PDE3A: variants seen among roughly 807,000 people sequenced by gnomAD.
The protein encoded by PDE3A is phosphodiesterase 3A.
Under a neutral mutation model 98.3 loss-of-function variants are expected in PDE3A, and 43 were observed. The ratio of observed to expected loss-of-function variants is 0.44; its 90% CI spans 0.34 to 0.56. PDE3A has a LOEUF of 0.56. PDE3A is among the 20% of genes least tolerant of loss of function. PDE3A has a pLI of 0.01. For missense variants in PDE3A, 1,427 were observed against 1,440.7 expected, an observed-to-expected ratio of 0.99 and a Z score of 0.15; for synonymous variants, 663 against 567.9, an observed-to-expected ratio of 1.17 and a Z score of -2.38.
At chr12:20,497,895 A>ATT (rs1945949294) in intron 1 of PDE3A, among the ~76,000 whole-genome samples, 1 of 152,154 alleles carries the variant, frequency 6.6e-6, no homozygotes, top group African/African-American at 2.4e-5. Flanking sequence ...TGCTGCTGTG[A>ATT]TGACTTTGTG....
At chr12:20,666,661 T>C (rs534471641) in intron 15 of PDE3A, among the ~76,000 whole-genome samples, 3 of 152,376 alleles carry the variant, frequency 2.0e-5, no homozygotes, top group Non-Finnish European at 4.4e-5. Context: ...TACCACATTT[T>C]CTTTATCCAT....
intron 1 of PDE3A, among the ~76,000 whole-genome samples, chr12:20,465,350 C>T (rs1019348207): frequency 5.3e-5 from 8 of 152,112 alleles, no homozygotes; most frequent in Admixed American, 6.6e-5. Context: ...AAGCTAAGTA[C>T]TTACGTGTGT....
chr12:20,664,768 G>C (rs1025456160), intron 15 of PDE3A, among the ~76,000 whole-genome samples: 2 of 152,088 alleles, frequency 1.3e-5, no homozygotes, highest in African/African-American at 2.4e-5. Flanking sequence ...TGGAACTCTT[G>C]AGTCCATTAA....
intron 1 of PDE3A, among the ~76,000 whole-genome samples, chr12:20,442,649 G>C (rs779230661): frequency 6.6e-6 from 1 of 152,204 alleles, no homozygotes; most frequent in Non-Finnish European, 1.5e-5. Context: ...ATCTGAAATT[G>C]TAAGACAATT....
At chr12:20,486,748 G>C (rs7313578) in intron 1 of PDE3A, among the ~76,000 whole-genome samples, 12,571 of 152,108 alleles carry the variant, frequency 0.083, 1,188 homozygotes, top group African/African-American at 0.23. Flanking sequence ...ATTCTCATGC[G>C]TCAGCCTCCC....
At position 20,650,471 on chromosome 12, in the gene PDE3A, G is replaced by T; in HGVS notation, c.2796G>T (p.Trp932Cys). The T allele has an allele frequency of 6.2e-7, 1 of 1,608,986 alleles. No homozygotes were observed. The highest frequency in any genetic ancestry group is 1.1e-5 in the South Asian group (1 of 90,576). ...GKVNDDVGID[W>C]TNENDRLLVC... ...TAAATGATGATGTTGGAATAGATTGGACCAATGAAAATGATCGTCTACTGG... is the reference window on the plus strand; with the variant it reads ...TAAATGATGATGTTGGAATAGATTGTACCAATGAAAATGATCGTCTACTGG... Residue 932 changes from tryptophan to cysteine, a missense_variant, in exon 14 of 16, where the codon TGG becomes TGT. This residue lies in a region of PDE3A where 273 missense variants were observed against 420.3 expected (regional missense o/e 0.65). Coordinates refer to ENST00000359062, the MANE Select transcript of PDE3A (RefSeq NM_000921.5).
intron 1 of PDE3A, among the ~76,000 whole-genome samples, chr12:20,505,060 C>G (rs1043430895): frequency 1.3e-5 from 2 of 152,088 alleles, no homozygotes; most frequent in African/African-American, 4.8e-5. Context: ...AATACAAGTG[C>G]TTAGGCCAAA....
At chr12:20,506,999 G>T (rs1457292532) in intron 1 of PDE3A, among the ~76,000 whole-genome samples, 3 of 151,952 alleles carry the variant, frequency 2.0e-5, no homozygotes, top group Non-Finnish European at 4.4e-5. Context: ...AAAAGACTGT[G>T]TATATTTTTA....
chr12:20,546,933 G>A (rs1942075841), intron 1 of PDE3A, among the ~76,000 whole-genome samples: 1 of 151,978 alleles, frequency 6.6e-6, no homozygotes, highest in South Asian at 2.1e-4. Context: ...TAATTAACTT[G>A]TAGACCAATT....
At chr12:20,372,737 T>G (rs547662292) in intron 1 of PDE3A, among the ~76,000 whole-genome samples, 1 of 152,298 alleles carries the variant, frequency 6.6e-6, no homozygotes, top group Admixed American at 6.5e-5. Flanking sequence ...GCTTTTTTTC[T>G]GAAGGAATGT....
At chr12:20,449,918 C>T in intron 1 of PDE3A, 1 of 803,606 alleles carries the variant, frequency 1.2e-6, no homozygotes, top group Non-Finnish European at 1.9e-6. Flanking sequence ...AATGGGAACT[C>T]TGCTGGAAAG....
At chr12:20,540,228 A>G (rs1253684174) in intron 1 of PDE3A, among the ~76,000 whole-genome samples, 1 of 152,134 alleles carries the variant, frequency 6.6e-6, no homozygotes, top group Non-Finnish European at 1.5e-5. Context: ...CAAAGTAAAA[A>G]TTGTCTTTGT....
intron 1 of PDE3A, among the ~76,000 whole-genome samples, chr12:20,514,990 A>G (rs1946290568): frequency 6.6e-6 from 1 of 152,216 alleles, no homozygotes; most frequent in Non-Finnish European, 1.5e-5. Flanking sequence ...TCAGTATCTG[A>G]CAAGGACCTT....
At chr12:20,618,166 C>G (rs1373487792) in intron 4 of PDE3A, among the ~76,000 whole-genome samples, 3 of 152,016 alleles carry the variant, frequency 2.0e-5, no homozygotes, top group African/African-American at 7.2e-5. Context: ...AATATAATTC[C>G]TTCATCATTG....
rs1332661723 is a variant in PDE3A, at chr12:20,369,645, G to C, written c.361G>C (p.Gly121Arg). 3 of 1,597,668 alleles carry C rather than the reference G, an allele frequency of 1.9e-6. No individual in the cohort carries two copies. The highest frequency in any genetic ancestry group is 2.6e-6 in the Non-Finnish European group (3 of 1,173,006). ...VFPGPRGGAP[G>R]GGARLSPWLQ... ...CCCGGGGCCTCGGGGAGGTGCTCCC[G>C]GGGGCGGTGCGCGGCTCAGCCCCTG... Residue 121 changes from glycine to arginine, a missense_variant, in exon 1 of 16, where the codon GGG becomes CGG. By Grantham distance (125) the Gly-to-Arg change is moderately radical (BLOSUM62 -2). Around this residue, in one of 3 missense-constraint regions of PDE3A, gnomAD observed 1,012 missense variants for 886.5 expected, o/e 1.14. Transcript: ENST00000359062.
At chr12:20,481,491 T>C (rs1176993281) in intron 1 of PDE3A, among the ~76,000 whole-genome samples, 1 of 152,146 alleles carries the variant, frequency 6.6e-6, no homozygotes, top group African/African-American at 2.4e-5. Context: ...TCCTAGTCAT[T>C]TGGATAAGAA....
intron 1 of PDE3A, among the ~76,000 whole-genome samples, chr12:20,477,827 G>A (rs773391691): frequency 4.8e-4 from 73 of 152,122 alleles, no homozygotes; most frequent in Non-Finnish European, 6.9e-4. Flanking sequence ...TGGCCTCGTA[G>A]CCCATGCCTT....
chr12:20,492,307 G>T (rs1319359146), intron 1 of PDE3A, among the ~76,000 whole-genome samples: 2 of 152,124 alleles, frequency 1.3e-5, no homozygotes, highest in African/African-American at 4.8e-5. Flanking sequence ...ATACTAAAAT[G>T]ACACATAGAC....
intron 1 of PDE3A, among the ~76,000 whole-genome samples, chr12:20,499,538 A>G (rs901492107): frequency 5.3e-5 from 8 of 152,192 alleles, no homozygotes; most frequent in African/African-American, 9.6e-5. Context: ...AATTAGACTA[A>G]TGATGCAAAA....
Sources: gnomAD v4.1 joint callset for allele counts (sites outside exome capture counted in the v4.1 genomes callset) on GRCh38, gnomAD v4.1.1 for gene constraint, gnomAD v4.1.1 regional missense constraint, MANE v1.5 for transcripts, NCBI Gene and HGNC (gene_info 2026-07-23, HGNC 2026-07-21) for gene names.